PLCB1: variants seen among roughly 807,000 people sequenced by gnomAD.
PLCB1 encodes 1-phosphatidylinositol 4,5-bisphosphate phosphodiesterase beta-1.
PLCB1 carries 46 observed loss-of-function variants against 161.8 expected under a neutral mutation model. The ratio of observed to expected loss-of-function variants is 0.28; its 90% CI spans 0.22 to 0.36. PLCB1 has a LOEUF of 0.36. Among genes scored for constraint, PLCB1 ranks in the 10% least tolerant of loss-of-function variants. The probability of loss-of-function intolerance (pLI) is 1.00; values close to 1 mark genes in which losing one functional copy is unlikely to be tolerated. For synonymous variants in PLCB1, 517 were observed against 503.7 expected, an observed-to-expected ratio of 1.03 and a Z score of -0.35; for missense variants, 1,016 against 1,472.5, an observed-to-expected ratio of 0.69 and a Z score of 5.07.
intron 9 of PLCB1, 29 bp from the exon 10 acceptor site, chr20:8,684,903 C>T: frequency 2.5e-6 from 4 of 1,577,858 alleles, no homozygotes; most frequent in Middle Eastern, 1.7e-4. Flanking sequence ...AGAATGCATT[C>T]ACATCCTTTC....
chr20:8,770,170 C>T (rs1401639794), intron 26 of PLCB1, among the ~76,000 whole-genome samples: 3 of 152,006 alleles, frequency 2.0e-5, no homozygotes, highest in Non-Finnish European at 2.9e-5. Flanking sequence ...GCCAGGATGG[C>T]CTCGATCTCC....
At chr20:8,880,856 C>CTTTTTTTTTTTTTTTTTTTTTTTTTTTT (rs753470997) in intron 31 of PLCB1, 1 of 107,586 alleles carries the variant, frequency 9.3e-6, no homozygotes. Flanking sequence ...TTCTTTCTTT[C>CTTTTTTTTTTTTTTTTTTTTTTTTTTTT]TTTCTTTTTT....
chr20:8,400,049 T>C (rs1978480139), intron 3 of PLCB1, among the ~76,000 whole-genome samples: 1 of 152,172 alleles, frequency 6.6e-6, no homozygotes, highest in African/African-American at 2.4e-5. Flanking sequence ...CCCTGTGCTT[T>C]TTAAGTCTAT....
rs183409123 is a variant in PLCB1 at position 8,655,674 on chromosome 20, G to A, written c.595-1510G>A. Among the ~76,000 whole-genome samples, 4 of 152,196 alleles carry A rather than the reference G, an allele frequency of 2.6e-5. No individual in the cohort carries two copies. The East Asian group carries it at 7.7e-4, about 29-fold the overall frequency. ...GAGTGAAGTTGGTGAAAGGGGGAAT[G>A]AGGTGAACTCTTTTTAGTAGGGAAA... On this transcript the variant is annotated intron_variant, in intron 7 of 31. Transcript: ENST00000338037.
At chr20:8,751,225 T>G (rs987987118) in intron 23 of PLCB1, 2 of 192,670 alleles carry the variant, frequency 1.0e-5, no homozygotes, top group South Asian at 9.0e-5. Flanking sequence ...ATTACAGGCA[T>G]GAGCCACCGC....
intron 2 of PLCB1, among the ~76,000 whole-genome samples, chr20:8,216,456 T>G (rs1290074777): frequency 6.6e-6 from 1 of 152,166 alleles, no homozygotes; most frequent in Non-Finnish European, 1.5e-5. Flanking sequence ...TAAAGTAGAA[T>G]GTGTTGTGTT....
intron 3 of PLCB1, among the ~76,000 whole-genome samples, chr20:8,553,287 C>T (rs1475717403): frequency 2.6e-5 from 4 of 152,138 alleles, no homozygotes; most frequent in African/African-American, 9.7e-5. Flanking sequence ...GATATAGATA[C>T]AGTTTCTCAC....
intron 2 of PLCB1, among the ~76,000 whole-genome samples, chr20:8,274,435 G>A (rs575712146): frequency 1.3e-5 from 2 of 151,526 alleles, no homozygotes; most frequent in African/African-American, 2.4e-5. Flanking sequence ...GTCCCCTTGT[G>A]TGTCCCTCCC....
chr20:8,810,497 AG>A (rs1477741923), intron 31 of PLCB1, among the ~76,000 whole-genome samples: 1 of 152,176 alleles, frequency 6.6e-6, no homozygotes, highest in African/African-American at 2.4e-5. Flanking sequence ...CCTTTCTCCA[AG>A]GGAAATTTAT....
chr20:8,147,927 C>T (rs1292409370), intron 1 of PLCB1, among the ~76,000 whole-genome samples: 2 of 140,280 alleles, frequency 1.4e-5, no homozygotes, highest in Non-Finnish European at 1.5e-5. Flanking sequence ...GGCTGGAGTG[C>T]AGTGGTGCGA....
intron 3 of PLCB1, among the ~76,000 whole-genome samples, chr20:8,565,680 T>C (rs997100854): frequency 4.6e-5 from 7 of 152,096 alleles, no homozygotes; most frequent in Non-Finnish European, 7.4e-5. Context: ...GGAGTAGCCA[T>C]GTGACTAATT....
In PLCB1 at chr20:8,722,360, C is replaced by G; in HGVS notation, c.1520C>G (p.Ala507Gly). ...TGTTATTAAAATTTGACAGGAGAAGCTGATACGGAAAGTGACGACGACGAT... is the reference window on the plus strand; with the variant it reads ...TGTTATTAAAATTTGACAGGAGAAGGTGATACGGAAAGTGACGACGACGAT... The part of the protein sequence containing the change: ...FEPSSPGAGE[A>G]DTESDDDDDD... The change falls in exon 15 of 32, where the codon GCT becomes GGT. Residue 507 changes from alanine (A) to glycine (G), a missense_variant. Ala to Gly is a moderately conservative substitution (Grantham distance 60). Coordinates refer to ENST00000338037, the MANE Select transcript of PLCB1 (RefSeq NM_015192.4). 1 of 1,610,652 alleles carries G rather than the reference C, an allele frequency of 6.2e-7. No individual in the cohort carries two copies. The highest frequency in any genetic ancestry group is 8.5e-7 in the Non-Finnish European group (1 of 1,178,352).
intron 3 of PLCB1, among the ~76,000 whole-genome samples, chr20:8,497,797 C>A (rs993158327): frequency 1.3e-5 from 2 of 152,032 alleles, no homozygotes; most frequent in African/African-American, 4.8e-5. Context: ...TATCTAAATT[C>A]CTCATACATT....
At chr20:8,765,420 T>C in intron 26 of PLCB1, 62 bp downstream of exon 26, 1 of 1,206,778 alleles carries the variant, frequency 8.3e-7, no homozygotes, top group Non-Finnish European at 1.2e-6. Context: ...CATGGATTTT[T>C]AATGTTTTAT....
intron 2 of PLCB1, among the ~76,000 whole-genome samples, chr20:8,308,953 G>C (rs887502114): frequency 1.3e-5 from 2 of 151,534 alleles, no homozygotes; most frequent in Non-Finnish European, 1.5e-5. Context: ...TCTCAGATTT[G>C]TTGACTTAAA....
chr20:8,663,944 A>G lies in PLCB1; in HGVS notation c.862+5240A>G, dbSNP rs561352465. Among the ~76,000 whole-genome samples the G allele has an allele frequency of 5.3e-5, 8 of 152,310 alleles. 1 individual carries two copies. In the East Asian group the frequency reaches 1.5e-3, roughly 29 times the overall value. ...TAAACTCTTCAGATGAAAGACAGTG[A>G]GTAAAATTAGCATGAAAAATAGAAT... On this transcript the variant is annotated intron_variant, in intron 9 of 31. Coordinates refer to ENST00000338037, the MANE Select transcript of PLCB1 (RefSeq NM_015192.4).
chr20:8,465,120 C>T (rs1022734791), intron 3 of PLCB1, among the ~76,000 whole-genome samples: 2 of 151,818 alleles, frequency 1.3e-5, no homozygotes, highest in Non-Finnish European at 2.9e-5. Flanking sequence ...TATTTGTGCT[C>T]TTCTTATTCA....
At chr20:8,714,661 G>A (rs1265109236) in intron 12 of PLCB1, among the ~76,000 whole-genome samples, 3 of 152,154 alleles carry the variant, frequency 2.0e-5, no homozygotes, top group African/African-American at 4.8e-5. Flanking sequence ...GGCCGCATAA[G>A]CCATTTAGTA....
chr20:8,666,595 T>A (rs552906688), intron 9 of PLCB1, among the ~76,000 whole-genome samples: 2 of 152,304 alleles, frequency 1.3e-5, no homozygotes, highest in East Asian at 3.9e-4. Context: ...GAAGAGGCAG[T>A]TTGCAGAAAT....
Sources: allele counts gnomAD v4.1 joint callset (sites outside exome capture counted in the v4.1 genomes callset), GRCh38; gene constraint gnomAD v4.1.1; transcripts MANE v1.5; gene names NCBI Gene and HGNC (gene_info 2026-07-23, HGNC 2026-07-21).